The following FAM110B variants were observed in gnomAD, a reference collection of about 807,000 sequenced individuals.
FAM110B encodes the protein protein FAM110B.
In FAM110B, 6 loss-of-function variants were observed where a neutral mutation model predicts 20.4. That is an observed-to-expected ratio of 0.29 (90% CI 0.16 to 0.58). The LOEUF is 0.58. Ranked by LOEUF, FAM110B falls within the 20% of genes least tolerant of loss-of-function variation. The probability of loss-of-function intolerance (pLI) is 0.90; values close to 1 mark genes in which losing one functional copy is unlikely to be tolerated. For missense variants in FAM110B, 434 were observed against 498.2 expected (o/e 0.87, Z 1.23); for synonymous variants, 226 against 214.1 (o/e 1.06, Z -0.49).
intron 3 of FAM110B, among the ~76,000 whole-genome samples, chr8:58,138,414 T>C (rs1803670265): frequency 1.3e-5 from 2 of 152,224 alleles, no homozygotes; most frequent in Non-Finnish European, 2.9e-5. Flanking sequence ...TCATCCTGCC[T>C]GTGTGATCTG....
intron 2 of FAM110B, among the ~76,000 whole-genome samples, chr8:58,047,591 CCTCT>C (rs56031012): frequency 0.032 from 2,400 of 74,680 alleles, 49 homozygotes; most frequent in South Asian, 0.071. Context: ...CTTCCTTTTT[CCTCT>C]CTCTCTCTCT....
intron 1 of FAM110B, among the ~76,000 whole-genome samples, chr8:58,013,028 G>A (rs74465468): frequency 0.02 from 2,993 of 152,092 alleles, 106 homozygotes; most frequent in African/African-American, 0.067. Flanking sequence ...GCTTCCCCCC[G>A]GGCTGTCACT....
chr8:58,032,104 A>G (rs959006810), intron 2 of FAM110B: 5 of 152,178 alleles, frequency 3.3e-5, no homozygotes, highest in African/African-American at 1.2e-4. Flanking sequence ...CCCCACCTTC[A>G]CTATCCCCAC....
chr8:58,099,486 T>C (rs1411965895), intron 3 of FAM110B, among the ~76,000 whole-genome samples: 1 of 152,230 alleles, frequency 6.6e-6, no homozygotes, highest in African/African-American at 2.4e-5. Flanking sequence ...CACGTTTAAC[T>C]TCAGCATATA....
At chr8:58,021,676 C>G (rs1804757561) in intron 1 of FAM110B, among the ~76,000 whole-genome samples, 1 of 152,042 alleles carries the variant, frequency 6.6e-6, no homozygotes, top group Non-Finnish European at 1.5e-5. Context: ...CTTCTTCAAC[C>G]AAGTTGATCA....
intron 1 of FAM110B, among the ~76,000 whole-genome samples, chr8:57,997,261 C>G (rs913428310): frequency 6.6e-6 from 1 of 152,174 alleles, no homozygotes; most frequent in African/African-American, 2.4e-5. Context: ...AAAACATACT[C>G]TTACCAACCA....
chr8:58,034,133 G>A (rs569741668), intron 2 of FAM110B, among the ~76,000 whole-genome samples: 9 of 152,174 alleles, frequency 5.9e-5, no homozygotes, highest in African/African-American at 1.9e-4. Flanking sequence ...AGTGGGCTGC[G>A]GTAACTAAGG....
chr8:58,006,923 A>ATATATATATATATATATATTTTTTTTT, intron 1 of FAM110B, among the ~76,000 whole-genome samples: 1 of 126,516 alleles, frequency 7.9e-6, no homozygotes, highest in African/African-American at 3.0e-5. Flanking sequence ...ATATATATAT[A>ATATATATATATATATATATTTTTTTTT]TTTTTCCAAA....
intron 3 of FAM110B, among the ~76,000 whole-genome samples, chr8:58,122,419 C>T (rs1563377752): frequency 1.3e-5 from 2 of 152,152 alleles, no homozygotes; most frequent in East Asian, 3.9e-4. Flanking sequence ...TCTTCTATTA[C>T]CCTTGCTTAT....
chr8:58,049,782 A>G (rs1022615818), intron 2 of FAM110B, among the ~76,000 whole-genome samples: 1 of 152,234 alleles, frequency 6.6e-6, no homozygotes, highest in African/African-American at 2.4e-5. Flanking sequence ...TTTATATTTT[A>G]GTAAGTTAAT....
chr8:58,117,641 T>C (rs1352395532), intron 3 of FAM110B, among the ~76,000 whole-genome samples: 1 of 152,086 alleles, frequency 6.6e-6, no homozygotes, highest in Non-Finnish European at 1.5e-5. Flanking sequence ...AAATGAAGGG[T>C]AGTAATAGCC....
Position 58,003,258 on chromosome 8 carries a change from G to A in FAM110B, c.-512+8452G>A, listed in dbSNP as rs192045716. Among the ~76,000 whole-genome samples, 422 of 152,218 alleles carry A rather than the reference G, an allele frequency of 2.8e-3. 2 individuals are homozygous for A. The highest frequency in any genetic ancestry group is 9.8e-3 in the African/African-American group (407 of 41,518). ...TCTTCAGGCTCCGCTTGTAACTCTA[G>A]TTCTCTTGCTATTTCCACCGGATCT... On this transcript the variant is annotated intron_variant, in intron 1 of 3. Coordinates refer to ENST00000519262, the MANE Select transcript of FAM110B (RefSeq NM_001377989.1).
intron 3 of FAM110B, among the ~76,000 whole-genome samples, chr8:58,086,611 G>A (rs1220822734): frequency 1.3e-5 from 2 of 152,154 alleles, no homozygotes; most frequent in African/African-American, 4.8e-5. Context: ...CGCATAAATA[G>A]GACCACTGTG....
intron 2 of FAM110B, among the ~76,000 whole-genome samples, chr8:58,039,532 A>T (rs7828423): frequency 0.075 from 11,436 of 152,186 alleles, 539 homozygotes; most frequent in East Asian, 0.17. Context: ...AATTTCACTC[A>T]CTAGTACTCT....
chr8:58,146,690 C>A lies in FAM110B; in HGVS notation c.460C>A (p.Leu154Met), dbSNP rs1160422609. The part of the protein sequence containing the change: ...WPPHRSEATD[L>M]HRHSFAESLK... ...GCCCCACCGGTCGGAAGCCACTGAC[C>A]TGCACCGTCACTCCTTCGCGGAGTC... Residue 154 changes from leucine (L) to methionine (M), a missense_variant, in exon 4 of 4, where the codon CTG becomes ATG. Coordinates refer to ENST00000519262, the MANE Select transcript of FAM110B (RefSeq NM_001377989.1). The A allele has an allele frequency of 6.2e-7, 1 of 1,612,750 alleles. No individual in the cohort carries two copies. Among genetic ancestry groups the A allele is most frequent in the South Asian group, 1.1e-5 (1 of 90,918 alleles).
Position 58,146,383 on chromosome 8 carries a change from G to A in FAM110B, c.153G>A (p.Val51=). ...AEPNPKRLSA[V]ERLEADKAKY... Reference sequence around the variant, plus strand: ...CCAACCCCAAGAGGCTCAGCGCCGTGGAGAGGCTGGAGGCCGACAAGGCCA... The same window carrying A: ...CCAACCCCAAGAGGCTCAGCGCCGTAGAGAGGCTGGAGGCCGACAAGGCCA... Residue 51 remains valine (V), a synonymous_variant, in exon 4 of 4, where the codon GTG becomes GTA. Transcript: ENST00000519262. The A allele has an allele frequency of 6.2e-7, 1 of 1,614,062 alleles. No homozygotes were observed. Among genetic ancestry groups the A allele is most frequent in the Non-Finnish European group, 8.5e-7 (1 of 1,179,988 alleles).
Position 58,146,280 on chromosome 8 carries a change from C to T in FAM110B, c.50C>T (p.Pro17Leu). Residue 17 changes from proline (P) to leucine (L), a missense_variant, in exon 4 of 4, where the codon CCC (proline) becomes CTC (leucine). Coordinates refer to ENST00000519262, the MANE Select transcript of FAM110B (RefSeq NM_001377989.1). ...QTGSMVKPVS[P>L]AGTFTSAVPL... Reference sequence around the variant, plus strand: ...GGTAGCATGGTGAAGCCGGTCAGCCCCGCGGGCACCTTCACCTCTGCTGTG... The same window carrying T: ...GGTAGCATGGTGAAGCCGGTCAGCCTCGCGGGCACCTTCACCTCTGCTGTG... 1 of 1,613,438 alleles carries T rather than the reference C, an allele frequency of 6.2e-7. No individual in the cohort carries two copies. Among genetic ancestry groups the T allele is most frequent in the Non-Finnish European group, 8.5e-7 (1 of 1,179,740 alleles).
intron 1 of FAM110B, among the ~76,000 whole-genome samples, chr8:58,002,952 T>C (rs1804328552): frequency 6.6e-6 from 1 of 152,206 alleles, no homozygotes; most frequent in African/African-American, 2.4e-5. Flanking sequence ...CAACTGACTC[T>C]TCCTTTCACC....
chr8:58,003,269 A>G (rs1004051874), intron 1 of FAM110B, among the ~76,000 whole-genome samples: 2 of 152,126 alleles, frequency 1.3e-5, no homozygotes, highest in Non-Finnish European at 2.9e-5. Flanking sequence ...TTCTCTTGCT[A>G]TTTCCACCGG....
Sources: allele counts gnomAD v4.1 joint callset (sites outside exome capture counted in the v4.1 genomes callset), GRCh38; gene constraint gnomAD v4.1.1; transcripts MANE v1.5; gene names NCBI Gene and HGNC (gene_info 2026-07-23, HGNC 2026-07-21).